XPO7: variants seen among roughly 807,000 people sequenced by gnomAD.
XPO7 encodes exportin 7.
XPO7 carries 21 observed loss-of-function variants against 144.3 expected under a neutral mutation model. The ratio of observed to expected loss-of-function variants is 0.15; its 90% CI spans 0.10 to 0.21. The LOEUF (loss-of-function observed/expected upper bound fraction) is 0.21, where lower values mean the gene tolerates loss of function less well. XPO7 is among the 10% of genes least tolerant of loss of function. XPO7 has a pLI of 1.00. For synonymous variants in XPO7, 580 were observed against 499.6 expected (o/e 1.16, Z -2.15); for missense variants, 808 against 1,325.8 (o/e 0.61, Z 6.06).
intron 10 of XPO7, 99 bp from the exon 11 acceptor site, chr8:21,982,541 T>TA (rs5890017): frequency 0.37 from 490,121 of 1,342,042 alleles, 88,824 homozygotes; most frequent in East Asian, 0.41. Context: ...CCTCTTTTTT[T>TA]AAAAAAAAGA....
At chr8:21,990,218 T>C in intron 16 of XPO7, 126 bp from the exon 17 acceptor site, 2 of 869,054 alleles carry the variant, frequency 2.3e-6, no homozygotes, top group East Asian at 5.0e-5. Context: ...TTGGCAGTGG[T>C]ATACTCAAGT....
At chr8:21,989,431 G>A (rs1458434536) in intron 16 of XPO7, among the ~76,000 whole-genome samples, 2 of 152,302 alleles carry the variant, frequency 1.3e-5, no homozygotes, top group South Asian at 4.1e-4. Context: ...TGTCCCATCA[G>A]CTGGTTGGTA....
intron 1 of XPO7, among the ~76,000 whole-genome samples, chr8:21,920,706 C>T (rs1165832506): frequency 6.6e-6 from 1 of 152,184 alleles, no homozygotes; most frequent in Non-Finnish European, 1.5e-5. Context: ...AAAGTTTTTC[C>T]TGTCTGTGCC....
rs774718257 is a variant in XPO7 at position 21,985,725 on chromosome 8, C to T, written c.1577+34C>T. ...TCCCCACAGAAGCTCTCCACTCTGCCTTGCTGGCACTTCTCCACTCCCCGA... is the reference window on the plus strand; with the variant it reads ...TCCCCACAGAAGCTCTCCACTCTGCTTTGCTGGCACTTCTCCACTCCCCGA... On this transcript the variant is annotated intron_variant, in intron 13 of 27. Coordinates refer to ENST00000252512, the MANE Select transcript of XPO7 (RefSeq NM_015024.5). 3.8e-6 allele frequency: 6 copies of T among 1,583,472 alleles called. No homozygotes were observed. The Admixed American group carries it at 5.0e-5, about 13-fold the overall frequency.
At chr8:21,959,780 G>A (rs1811661536) in intron 1 of XPO7, among the ~76,000 whole-genome samples, 1 of 152,152 alleles carries the variant, frequency 6.6e-6, no homozygotes, top group African/African-American at 2.4e-5. Flanking sequence ...AACTGGAAGT[G>A]TCTTTTAAAA....
rs747550122 is a variant in XPO7, at chr8:21,971,950, T to A, written c.492+9T>A. The A allele has an allele frequency of 3.2e-5, 52 of 1,612,608 alleles. 1 individual carries two copies. The highest frequency in any genetic ancestry group is 6.7e-5 in the Admixed American group (4 of 60,006). On this transcript the variant is annotated intron_variant, in intron 5 of 27. Transcript: ENST00000252512. ...CCAATGAAATTAATCAAGTAAGTGC[T>A]ACAGCCTTCCTCATTGAAGTAAGTG...
At chr8:21,982,406 T>G (rs750414705) in intron 10 of XPO7, among the ~76,000 whole-genome samples, 3 of 152,168 alleles carry the variant, frequency 2.0e-5, no homozygotes, top group Non-Finnish European at 4.4e-5. Context: ...CATATGGCTT[T>G]CCTTATGGTA....
chr8:21,939,954 C>A (rs1382766148), intron 1 of XPO7, among the ~76,000 whole-genome samples: 1 of 152,156 alleles, frequency 6.6e-6, no homozygotes, highest in Non-Finnish European at 1.5e-5. Context: ...TGAATTCTGT[C>A]ATGTTTTTAA....
intron 1 of XPO7, among the ~76,000 whole-genome samples, chr8:21,960,232 G>C (rs138679075): frequency 4.6e-5 from 7 of 152,330 alleles, no homozygotes; most frequent in Non-Finnish European, 1.0e-4. Flanking sequence ...ATTGCCAGCT[G>C]TGTCACTTTA....
intron 1 of XPO7, among the ~76,000 whole-genome samples, chr8:21,952,599 G>A (rs1382660645): frequency 6.6e-6 from 1 of 152,096 alleles, no homozygotes; most frequent in South Asian, 2.1e-4. Flanking sequence ...TTAACTAATC[G>A]AAGGACTTTC....
At chr8:22,002,904 T>C (rs1202166508) in intron 25 of XPO7, 2 of 216,928 alleles carry the variant, frequency 9.2e-6, no homozygotes, top group Non-Finnish European at 1.8e-5. Flanking sequence ...GAAGGGATCA[T>C]GCAAGGTGGT....
chr8:21,941,897 C>G (rs1291527152), intron 1 of XPO7, among the ~76,000 whole-genome samples: 1 of 152,104 alleles, frequency 6.6e-6, no homozygotes, highest in African/African-American at 2.4e-5. Flanking sequence ...GTTGCCTAGG[C>G]TGCCAATTTT....
intron 1 of XPO7, among the ~76,000 whole-genome samples, chr8:21,936,877 G>C (rs1056934474): frequency 6.6e-6 from 1 of 151,968 alleles, no homozygotes; most frequent in African/African-American, 2.4e-5. Flanking sequence ...CTTCATATAG[G>C]GTGGTTTTGC....
At chr8:21,930,119 C>T (rs1040309813) in intron 1 of XPO7, among the ~76,000 whole-genome samples, 19 of 152,192 alleles carry the variant, frequency 1.2e-4, no homozygotes, top group African/African-American at 4.3e-4. Flanking sequence ...TCTGCCATTT[C>T]TGGTTTCAAA....
chr8:21,984,333 T>TA (rs1469007073), intron 11 of XPO7, among the ~76,000 whole-genome samples: 2 of 152,046 alleles, frequency 1.3e-5, no homozygotes, highest in Non-Finnish European at 2.9e-5. Context: ...AGCGAAAGAC[T>TA]AAGAGTCAAG....
chr8:21,996,147 G>A (rs181147451), intron 21 of XPO7, among the ~76,000 whole-genome samples: 72 of 152,298 alleles, frequency 4.7e-4, no homozygotes, highest in African/African-American at 1.7e-3. Context: ...TCTCCAGTGG[G>A]GCATGGTGGC....
chr8:21,950,989 G>A (rs922563436), intron 1 of XPO7, among the ~76,000 whole-genome samples: 3 of 151,916 alleles, frequency 2.0e-5, no homozygotes, highest in Admixed American at 6.6e-5. Context: ...TTAGTTGGGC[G>A]CGGTAGTGCA....
chr8:21,969,545 C>T lies in XPO7; in HGVS notation c.228C>T (p.Asn76=), dbSNP rs557074397. 87 of 1,613,782 alleles carry T rather than the reference C, an allele frequency of 5.4e-5. No individual in the cohort carries two copies. In the South Asian group the frequency reaches 8.6e-4, roughly 16 times the overall value. The part of the protein sequence containing the change: ...CLTKLVSRTN[N]PLPLEQRIDI... ...CCAAGCTTGTATCACGCACAAACAA[C>T]CCCCTACCATTGGAACAGCGAATAG... is the stretch of plus-strand genomic sequence containing the variant. The change falls in exon 3 of 28, where the codon AAC becomes AAT. Residue 76 remains asparagine, a synonymous_variant. Coordinates refer to ENST00000252512, the MANE Select transcript of XPO7 (RefSeq NM_015024.5).
chr8:21,948,944 C>G (rs974259824), intron 1 of XPO7, among the ~76,000 whole-genome samples: 6 of 152,184 alleles, frequency 3.9e-5, no homozygotes, highest in African/African-American at 1.4e-4. Context: ...AATGTATAGA[C>G]TCATCCATAG....
Sources: allele counts gnomAD v4.1 joint callset (sites outside exome capture counted in the v4.1 genomes callset), GRCh38; gene constraint gnomAD v4.1.1; transcripts MANE v1.5; gene names NCBI Gene and HGNC (gene_info 2026-07-23, HGNC 2026-07-21).